STON2: variants seen among roughly 807,000 people sequenced by gnomAD.
STON2 encodes the protein stonin-2.
STON2 carries 29 observed loss-of-function variants against 65.7 expected under a neutral mutation model. The ratio of observed to expected loss-of-function variants is 0.44; its 90% CI spans 0.33 to 0.60. STON2 has a LOEUF of 0.60. STON2 is among the 20% of genes least tolerant of loss of function. The pLI, the probability that STON2 is intolerant of heterozygous loss-of-function variation, is 0.03. For synonymous variants in STON2, 404 were observed against 414.2 expected (o/e 0.98, Z 0.30); for missense variants, 1,054 against 1,118.1 (o/e 0.94, Z 0.82).
At chr14:81,281,010 C>CAAAAAA (rs796161809) in intron 5 of STON2, among the ~76,000 whole-genome samples, 2 of 63,052 alleles carry the variant, frequency 3.2e-5, no homozygotes, top group African/African-American at 4.7e-5. Flanking sequence ...AACTCCGTCT[C>CAAAAAA]AAAAAAAAAA....
chr14:81,350,724 C>A (rs1897992661), intron 4 of STON2, among the ~76,000 whole-genome samples: 1 of 152,168 alleles, frequency 6.6e-6, no homozygotes, highest in Non-Finnish European at 1.5e-5. Context: ...AACCAAAACT[C>A]ATTATGATTC....
chr14:81,351,189 T>A (rs2140315484), intron 4 of STON2, among the ~76,000 whole-genome samples: 1 of 151,384 alleles, frequency 6.6e-6, no homozygotes, highest in Non-Finnish European at 1.5e-5. Flanking sequence ...TTTTTTTTTT[T>A]TTTTTTCTGG....
intron 3 of STON2, among the ~76,000 whole-genome samples, chr14:81,374,230 G>T (rs980742398): frequency 2.0e-5 from 3 of 150,306 alleles, no homozygotes; most frequent in East Asian, 2.0e-4. Context: ...GGCCAGGCTG[G>T]TCTTGAATTC....
Position 81,277,445 on chromosome 14 carries a change from C to T in STON2, c.2037G>A (p.Gly679=). Residue 679 remains glycine, a synonymous_variant, in exon 6 of 8, where the codon GGG becomes GGA. Coordinates refer to ENST00000614646, the MANE Select transcript of STON2 (RefSeq NM_001394390.1). ...TGTCCTGCCTCAAAACTATTTCATTCCCTTTGACGAGGATGTCATTGAGGC... is the reference window on the plus strand; with the variant it reads ...TGTCCTGCCTCAAAACTATTTCATTTCCTTTGACGAGGATGTCATTGAGGC... ...RLGLNDILVK[G]NEIVLRQDIM... is the part of the protein sequence containing the mutation. The T allele has an allele frequency of 6.2e-7, 1 of 1,614,164 alleles. No homozygotes were observed. The highest frequency in any genetic ancestry group is 8.5e-7 in the Non-Finnish European group (1 of 1,180,040).
chr14:81,358,383 C>G (rs1053049452), intron 4 of STON2, among the ~76,000 whole-genome samples: 1 of 151,694 alleles, frequency 6.6e-6, no homozygotes, highest in African/African-American at 2.4e-5. Context: ...TCTTGGTGAT[C>G]ACAAAGCAAA....
At chr14:81,391,472 C>G (rs1452451323) in intron 3 of STON2, among the ~76,000 whole-genome samples, 1 of 152,214 alleles carries the variant, frequency 6.6e-6, no homozygotes, top group African/African-American at 2.4e-5. Flanking sequence ...CGCCTAGTCT[C>G]TCCTGTGTAA....
In STON2 at chr14:81,270,775, G is replaced by C; in HGVS notation, c.2679C>G (p.Ser893Arg). 1 of 1,614,186 alleles carries C rather than the reference G, an allele frequency of 6.2e-7. No individual in the cohort carries two copies. The highest frequency in any genetic ancestry group is 8.5e-7 in the Non-Finnish European group (1 of 1,180,022). The change falls in exon 7 of 8, where the codon AGC becomes AGG. Residue 893 changes from serine (S) to arginine (R), a missense_variant. Ser to Arg is a moderately radical substitution (Grantham distance 110). Coordinates refer to ENST00000614646, the MANE Select transcript of STON2 (RefSeq NM_001394390.1). Reference sequence around the variant, plus strand: ...CTTTGGAGGCAGAAGTTGTGGGCATGCTGAACTCGACATTCACGTGATTGG... The same window carrying C: ...CTTTGGAGGCAGAAGTTGTGGGCATCCTGAACTCGACATTCACGTGATTGG... ...RFANHVNVEF[S>R]MPTTSASKAS...
At chr14:81,336,297 AG>A (rs1235680570) in intron 4 of STON2, among the ~76,000 whole-genome samples, 1 of 152,102 alleles carries the variant, frequency 6.6e-6, no homozygotes, top group East Asian at 1.9e-4. Flanking sequence ...GCGGTTAGGT[AG>A]GGTGGGTATC....
At chr14:81,393,496 C>G (rs952456099) in intron 3 of STON2, among the ~76,000 whole-genome samples, 1 of 152,176 alleles carries the variant, frequency 6.6e-6, no homozygotes, top group African/African-American at 2.4e-5. Flanking sequence ...TGGGGCCGGT[C>G]AGCCTGGTGC....
Position 81,263,560 on chromosome 14 carries a change from A to AAAC in STON2, c.*4853_*4854insGTT, listed in dbSNP as rs869107865. The stretch of plus-strand genomic sequence containing the variant: ...CTCAAAAAAAAAAAAAAAAAAAAAA[A>AAAC]CAAAAAAGAAAATGCTATTTTTTGG... On this transcript the variant is annotated 3_prime_UTR_variant, in exon 8 of 8. Transcript: ENST00000614646. 1.6e-5 allele frequency: 3 copies of AAAC among 187,064 alleles called. No individual in the cohort carries two copies. 11.6% of individuals were successfully genotyped at this position (187,064 alleles called of 1,614,324 possible). A position where few individuals can be genotyped will look rare whatever the true frequency, so the allele number is the denominator to read the frequency against.
At chr14:81,396,479 G>A (rs201378263) in intron 2 of STON2, among the ~76,000 whole-genome samples, 1 of 152,250 alleles carries the variant, frequency 6.6e-6, no homozygotes, top group Non-Finnish European at 1.5e-5. Context: ...AAAGGAAAGT[G>A]CTTACAGAGG....
intron 4 of STON2, among the ~76,000 whole-genome samples, chr14:81,336,278 C>T (rs191539333): frequency 6.0e-4 from 92 of 152,144 alleles, no homozygotes; most frequent in Middle Eastern, 6.8e-3. Context: ...CCTCAATAAA[C>T]TCTGTGAAGC....
chr14:81,367,606 G>A (rs947083990), intron 4 of STON2, among the ~76,000 whole-genome samples: 6 of 152,174 alleles, frequency 3.9e-5, no homozygotes, highest in Non-Finnish European at 8.8e-5. Context: ...CCAGGATGAG[G>A]TGAAGACTTT....
At chr14:81,385,233 G>A (rs1899737880) in intron 3 of STON2, among the ~76,000 whole-genome samples, 1 of 152,262 alleles carries the variant, frequency 6.6e-6, no homozygotes. Flanking sequence ...TTCTCTGCAA[G>A]AGGAGAATAT....
Position 81,396,103 on chromosome 14 carries a change from A to G in STON2, c.164T>C (p.Val55Ala), listed in dbSNP as rs1471418282. 1 of 1,614,024 alleles carries G rather than the reference A, an allele frequency of 6.2e-7. No homozygotes were observed. The highest frequency in any genetic ancestry group is 8.5e-7 in the Non-Finnish European group (1 of 1,180,020). ...ATGGTCTTGAGAGCCTCCATCCACC[A>G]CATGGTTCTCCCCGGAGGAGCTCTC... Reference protein sequence around the residue: ...QSESSSGENHVVDGGSQDHSH... With the variant: ...QSESSSGENHAVDGGSQDHSH... The change falls in exon 3 of 8, where the codon GTG becomes GCG. Residue 55 changes from valine to alanine, a missense_variant. Physicochemically the swap from Val to Ala is moderately conservative, Grantham distance 64. Transcript: ENST00000614646.
rs576830165 is a variant in STON2 at position 81,317,989 on chromosome 14, G to A, written c.742+6028C>T. On this transcript the variant is annotated intron_variant, in intron 5 of 7. Transcript: ENST00000614646. ...TATTTTGGGGGTGTGTTTTTTAGGC[G>A]GAGTCTCACTCTGTTGCCCAGGCTG... Among the ~76,000 whole-genome samples, 82 of 151,788 alleles carry A rather than the reference G, an allele frequency of 5.4e-4. 1 individual carries two copies. The South Asian group carries it at 0.012, about 22-fold the overall frequency.
In STON2 at chr14:81,267,061, G is replaced by A. The variant is rs1595262458; in HGVS notation, c.*1353C>T. ...TTGAATCCATCAGCCAAAAACTGGAGATATTTTTCATTTCTGCATCATCTA... is the reference window on the plus strand; with the variant it reads ...TTGAATCCATCAGCCAAAAACTGGAAATATTTTTCATTTCTGCATCATCTA... On this transcript the variant is annotated 3_prime_UTR_variant, in exon 8 of 8. Transcript: ENST00000614646. The A allele has an allele frequency of 6.1e-6, 6 of 985,090 alleles. No individual in the cohort carries two copies. The highest frequency in any genetic ancestry group is 7.2e-6 in the Non-Finnish European group (6 of 829,768). 61.0% of individuals were successfully genotyped at this position (985,090 alleles called of 1,614,324 possible). A position where few individuals can be genotyped will look rare whatever the true frequency, so the allele number is the denominator to read the frequency against.
intron 5 of STON2, among the ~76,000 whole-genome samples, chr14:81,318,680 A>T (rs1896712900): frequency 1.3e-5 from 2 of 152,056 alleles, no homozygotes; most frequent in South Asian, 4.2e-4. Flanking sequence ...GTAAAACCCC[A>T]TCTCTAGTGA....
intron 1 of STON2, among the ~76,000 whole-genome samples, chr14:81,433,725 C>T (rs1208727585): frequency 6.6e-6 from 1 of 152,182 alleles, no homozygotes; most frequent in Non-Finnish European, 1.5e-5. Flanking sequence ...TCCACATTGT[C>T]CCAGAGAGAA....
Sources: gnomAD v4.1 joint callset for allele counts (sites outside exome capture counted in the v4.1 genomes callset) on GRCh38, gnomAD v4.1.1 for gene constraint, MANE v1.5 for transcripts, NCBI Gene and HGNC (gene_info 2026-07-23, HGNC 2026-07-21) for gene names.